Variants in HPCAL1 observed in about 807,000 individuals in gnomAD.
HPCAL1 encodes hippocalcin like 1, also known as hippocalcin-like protein 1.
A neutral mutation model predicts 17.1 loss-of-function variants in HPCAL1; 8 were observed. The ratio of observed to expected loss-of-function variants is 0.47; its 90% CI spans 0.27 to 0.84. HPCAL1 has a LOEUF of 0.84. HPCAL1 is among the 40% of genes least tolerant of loss of function. The probability of loss-of-function intolerance (pLI) is 0.13; values close to 1 mark genes in which losing one functional copy is unlikely to be tolerated. For synonymous variants in HPCAL1, 112 were observed against 111.4 expected, an observed-to-expected ratio of 1.01 and a Z score of -0.03; for missense variants, 165 against 271.1, an observed-to-expected ratio of 0.61 and a Z score of 2.75.
In HPCAL1 at chr2:10,426,891, T is replaced by C; in HGVS notation, c.*70T>C. On this transcript the variant is annotated 3_prime_UTR_variant, in exon 5 of 5. Coordinates refer to ENST00000307845, the MANE Select transcript of HPCAL1 (RefSeq NM_002149.4). The stretch of plus-strand genomic sequence containing the variant: ...GCCGTTTAAGCTTTGCTTGCAAGAG[T>C]GGATGCCCCGCAATCGTTCCTGCTC... 1.4e-6 allele frequency: 2 copies of C among 1,395,004 alleles called. No homozygotes were observed. Among genetic ancestry groups the C allele is most frequent in the Non-Finnish European group, 1.0e-6 (1 of 985,032 alleles). 86.4% of individuals were successfully genotyped at this position (1,395,004 alleles called of 1,614,324 possible). A position where few individuals can be genotyped will look rare whatever the true frequency, so the allele number is the denominator to read the frequency against.
chr2:10,396,907 C>T lies in HPCAL1; in HGVS notation c.-38C>T, dbSNP rs1197750334. ...GTTCTGACCCACTCCCTCTCAGCCT[C>T]CGCCTGGTCTCTGGTAAGTCACTCC... On this transcript the variant is annotated 5_prime_UTR_variant, in exon 2 of 5. Coordinates refer to ENST00000307845, the MANE Select transcript of HPCAL1 (RefSeq NM_002149.4). The T allele has an allele frequency of 6.6e-6, 1 of 152,304 alleles. No individual in the cohort carries two copies. The highest frequency in any genetic ancestry group is 1.9e-4 in the East Asian group (1 of 5,182). The allele number at this position is 152,304 out of a possible 1,614,324, so 9.4% of individuals were successfully genotyped here. A position where few individuals can be genotyped will look rare whatever the true frequency, so the allele number is the denominator to read the frequency against.
intron 1 of HPCAL1, among the ~76,000 whole-genome samples, chr2:10,355,838 C>T (rs1163727559): frequency 3.3e-5 from 5 of 151,892 alleles, no homozygotes; most frequent in African/African-American, 9.7e-5. Context: ...GAGTAGGGGA[C>T]GCACAGGGCA....
intron 1 of HPCAL1, among the ~76,000 whole-genome samples, chr2:10,358,209 G>A (rs1294483840): frequency 1.3e-5 from 2 of 152,086 alleles, no homozygotes; most frequent in Non-Finnish European, 2.9e-5. Context: ...CAGGTTGTCA[G>A]GCCCTATTTT....
intron 1 of HPCAL1, among the ~76,000 whole-genome samples, chr2:10,392,152 T>C (rs1009898522): frequency 6.6e-6 from 1 of 152,136 alleles, no homozygotes; most frequent in Non-Finnish European, 1.5e-5. Flanking sequence ...AAGTGATCCT[T>C]CTGCCTCAGC....
chr2:10,337,674 C>T (rs565986088), intron 1 of HPCAL1, among the ~76,000 whole-genome samples: 12 of 152,266 alleles, frequency 7.9e-5, no homozygotes, highest in African/African-American at 2.6e-4. Flanking sequence ...AGACCCTGGC[C>T]CTGCTCTGTT....
intron 2 of HPCAL1, among the ~76,000 whole-genome samples, chr2:10,418,921 G>C (rs1670853415): frequency 6.6e-6 from 1 of 152,132 alleles, no homozygotes; most frequent in African/African-American, 2.4e-5. Flanking sequence ...GCAAAATAAA[G>C]AGGGTGGGCC....
Position 10,367,446 on chromosome 2 carries a change from A to G in HPCAL1, c.-110-29389A>G, listed in dbSNP as rs998406740. On this transcript the variant is annotated intron_variant, in intron 1 of 4. Transcript: ENST00000307845. The surrounding 1 kb of genome is among the most constrained non-coding windows in gnomAD (Gnocchi z 4.4). ...GGACTACAGGTGTGCGCCACCACGC[A>G]TGGCTAATTTTTTGTAGAGATGGGA... Among the ~76,000 whole-genome samples, 2 of 151,904 alleles carry G rather than the reference A, an allele frequency of 1.3e-5. No individual in the cohort carries two copies. Among genetic ancestry groups the G allele is most frequent in the South Asian group, 2.1e-4 (1 of 4,816 alleles).
At chr2:10,374,742 C>A (rs963802124) in intron 1 of HPCAL1, among the ~76,000 whole-genome samples, 5 of 152,210 alleles carry the variant, frequency 3.3e-5, no homozygotes, top group African/African-American at 9.7e-5. Flanking sequence ...GCAGTTCCAC[C>A]CTACGGCGTA....
intron 3 of HPCAL1, among the ~76,000 whole-genome samples, chr2:10,421,467 G>A (rs565022291): frequency 3.9e-5 from 6 of 152,166 alleles, no homozygotes; most frequent in Non-Finnish European, 7.3e-5. Context: ...TTGGGTGGCC[G>A]AGGCTGGAGG....
At chr2:10,397,930 G>C (rs558567805) in intron 2 of HPCAL1, among the ~76,000 whole-genome samples, 1 of 152,344 alleles carries the variant, frequency 6.6e-6, no homozygotes, top group East Asian at 1.9e-4. Flanking sequence ...TATTAAGGTT[G>C]ATAAAAACAC....
At position 10,377,894 on chromosome 2, in the gene HPCAL1, A is replaced by C. The variant is rs1667678177; in HGVS notation, c.-110-18941A>C. On this transcript the variant is annotated intron_variant, in intron 1 of 4. Coordinates refer to ENST00000307845, the MANE Select transcript of HPCAL1 (RefSeq NM_002149.4). The surrounding 1 kb of genome is among the most constrained non-coding windows in gnomAD (Gnocchi z 5.9). ...GCCACCAAGGGGACGGGGCAGGCAC[A>C]GGGAGGGCATTTCAGAGAGTGCAAG... 6.6e-6 allele frequency among the ~76,000 whole-genome samples: 1 copy of C among 152,100 alleles called. No homozygotes were observed. Among genetic ancestry groups the C allele is most frequent in the Non-Finnish European group, 1.5e-5 (1 of 67,992 alleles).
At chr2:10,345,464 C>CTTTT (rs60570271) in intron 1 of HPCAL1, among the ~76,000 whole-genome samples, 1 of 144,744 alleles carries the variant, frequency 6.9e-6, no homozygotes. Flanking sequence ...CCTAGAAAAA[C>CTTTT]TTTTTTTTTT....
rs548769314 is a variant in HPCAL1 at position 10,395,852 on chromosome 2, G to A, written c.-110-983G>A. On this transcript the variant is annotated intron_variant, in intron 1 of 4. Coordinates refer to ENST00000307845, the MANE Select transcript of HPCAL1 (RefSeq NM_002149.4). The surrounding 1 kb of genome is among the most constrained non-coding windows in gnomAD (Gnocchi z 4.4). ...CTCCCAGGGCTGCTGTGTGGATTAC[G>A]TTGGATAATGAGTACAAATGCATAG... Among the ~76,000 whole-genome samples, 12 of 152,266 alleles carry A rather than the reference G, an allele frequency of 7.9e-5. No individual in the cohort carries two copies. The South Asian group carries it at 1.0e-3, about 13-fold the overall frequency.
At chr2:10,361,290 G>C (rs1209274613) in intron 1 of HPCAL1, among the ~76,000 whole-genome samples, 4 of 151,322 alleles carry the variant, frequency 2.6e-5, no homozygotes, top group African/African-American at 9.7e-5. Flanking sequence ...GAGCAGGCTG[G>C]TTCCACTGTG....
At chr2:10,321,256 A>G (rs967728158) in intron 1 of HPCAL1, among the ~76,000 whole-genome samples, 1 of 152,156 alleles carries the variant, frequency 6.6e-6, no homozygotes, top group African/African-American at 2.4e-5. Context: ...AGAACTCACT[A>G]TCTCGAGGAC....
rs1016104391 is a variant in HPCAL1 at position 10,377,226 on chromosome 2, C to T, written c.-110-19609C>T. On this transcript the variant is annotated intron_variant, in intron 1 of 4. Transcript: ENST00000307845. This position sits in a 1 kb window ranked among gnomAD's most constrained non-coding sequence, Gnocchi z 5.9. Reference sequence around the variant, plus strand: ...GTTGAGAGGTGTGAGGAGGCTGCCACGCAGGCCGCGCCGCCCCGAATGGCA... The same window carrying T: ...GTTGAGAGGTGTGAGGAGGCTGCCATGCAGGCCGCGCCGCCCCGAATGGCA... 3.3e-5 allele frequency among the ~76,000 whole-genome samples: 5 copies of T among 152,276 alleles called. No individual in the cohort carries two copies. The highest frequency in any genetic ancestry group is 3.9e-4 in the East Asian group (2 of 5,162).
intron 1 of HPCAL1, among the ~76,000 whole-genome samples, chr2:10,332,915 A>G (rs1664475533): frequency 1.4e-5 from 2 of 138,298 alleles, no homozygotes; most frequent in South Asian, 4.7e-4. Context: ...GGCTGAAGAC[A>G]GGAGGCAGAA....
At position 10,426,953 on chromosome 2, in the gene HPCAL1, C is replaced by A; in HGVS notation, c.*132C>A. The A allele has an allele frequency of 1.3e-6, 1 of 787,762 alleles. No individual in the cohort carries two copies. 48.8% of individuals were successfully genotyped at this position (787,762 alleles called of 1,614,324 possible). The stretch of plus-strand genomic sequence containing the variant: ...GGGCCTGGGGCATGCGTTGCACCTG[C>A]CCAGCCCGGTGGCTGCGCCTCCCTC... On this transcript the variant is annotated 3_prime_UTR_variant, in exon 5 of 5. Transcript: ENST00000307845.
chr2:10,355,426 G>A (rs576308885), intron 1 of HPCAL1, among the ~76,000 whole-genome samples: 3 of 128,348 alleles, frequency 2.3e-5, no homozygotes, highest in Non-Finnish European at 4.7e-5. Flanking sequence ...ACTCCAGCCT[G>A]GGCGACAGAG....
Sources: gnomAD v4.1 joint callset for allele counts (sites outside exome capture counted in the v4.1 genomes callset) on GRCh38, gnomAD v4.1.1 for gene constraint, Gnocchi (gnomAD v3.1) non-coding constraint, MANE v1.5 for transcripts, NCBI Gene and HGNC (gene_info 2026-07-23, HGNC 2026-07-21) for gene names.